The following FAT4 variants were observed in gnomAD, a reference collection of about 807,000 sequenced individuals.
FAT4 encodes the protein FAT atypical cadherin 4.
Under a neutral mutation model 303.9 loss-of-function variants are expected in FAT4, and 84 were observed. The observed-to-expected ratio is 0.28, with a 90% CI of 0.23 to 0.33. The LOEUF is 0.33. Ranked by LOEUF, FAT4 falls within the 10% of genes least tolerant of loss-of-function variation. The probability of loss-of-function intolerance (pLI) is 1.00; values close to 1 mark genes in which losing one functional copy is unlikely to be tolerated. For missense variants in FAT4, 6,005 were observed against 6,146.8 expected, an observed-to-expected ratio of 0.98 and a Z score of 0.77; for synonymous variants, 2,307 against 2,298.8, an observed-to-expected ratio of 1.00 and a Z score of -0.10.
chr4:125,475,359 TGGTTATCATGTTCTGA>T (rs920316628), intron 12 of FAT4, among the ~76,000 whole-genome samples: 7 of 152,130 alleles, frequency 4.6e-5, no homozygotes, highest in African/African-American at 1.7e-4. Flanking sequence ...CTGACTTGTA[TGGTTATCATGTTCTGA>T]GGCCTTTTAA....
intron 2 of FAT4, among the ~76,000 whole-genome samples, chr4:125,355,107 T>C (rs1436818289): frequency 6.6e-6 from 1 of 151,984 alleles, no homozygotes; most frequent in African/African-American, 2.4e-5. Context: ...CAAAAATTTA[T>C]ATTTTTAGCC....
chr4:125,317,590 C>G lies in FAT4; in HGVS notation c.1179C>G (p.Asn393Lys). ...TDADSPAANG[N>K]ISVQILGGNE... ...CAGATTCTCCCGCGGCCAACGGGAA[C>G]ATCTCCGTGCAAATTCTCGGGGGCA... The change falls in exon 2 of 18, where the codon AAC becomes AAG. Residue 393 changes from asparagine (N) to lysine (K), a missense_variant. Asn to Lys is a moderately conservative substitution (Grantham distance 94). Transcript: ENST00000394329. The surrounding 1 kb of genome is among the most constrained non-coding windows in gnomAD (Gnocchi z 7.0). 6.2e-7 allele frequency: 1 copy of G among 1,613,958 alleles called. No homozygotes were observed. Among genetic ancestry groups the G allele is most frequent in the Non-Finnish European group, 8.5e-7 (1 of 1,179,956 alleles).
In FAT4 at chr4:125,319,899, G is replaced by A. The variant is rs375552506; in HGVS notation, c.3488G>A (p.Arg1163Lys). The A allele has an allele frequency of 2.9e-5, 46 of 1,614,002 alleles. No homozygotes were observed. Among genetic ancestry groups the A allele is most frequent in the Non-Finnish European group, 3.6e-5 (42 of 1,180,042 alleles). Residue 1163 changes from arginine (R) to lysine (K), a missense_variant, in exon 2 of 18, where the codon AGG becomes AAG. Physicochemically the swap from Arg to Lys is conservative, Grantham distance 26 (BLOSUM62 2). Transcript: ENST00000394329. ...ATTACAAATACTCATCAGTTTGACA[G>A]GGAGTCTCTTATGAGGCGGAGAGGG... is the stretch of plus-strand genomic sequence containing the variant. ...GEITNTHQFD[R>K]ESLMRRRGTA...
chr4:125,377,184 C>T (rs778159637), intron 2 of FAT4, among the ~76,000 whole-genome samples: 4 of 152,020 alleles, frequency 2.6e-5, no homozygotes, highest in African/African-American at 4.8e-5. Flanking sequence ...AAATTACCAA[C>T]GACTATTTGT....
At chr4:125,409,842 TTTTTCCC>T (rs896621075) in intron 5 of FAT4, among the ~76,000 whole-genome samples, 31 of 152,292 alleles carry the variant, frequency 2.0e-4, no homozygotes, top group African/African-American at 6.5e-4. Context: ...TTAGTACGTG[TTTTTCCC>T]TTATGTTGGA....
intron 8 of FAT4, among the ~76,000 whole-genome samples, chr4:125,437,763 C>A: frequency 6.6e-6 from 1 of 152,060 alleles, no homozygotes; most frequent in East Asian, 1.9e-4. Context: ...AGAGTAGAAC[C>A]TTGGGAATTA....
intron 10 of FAT4, among the ~76,000 whole-genome samples, chr4:125,454,636 C>G (rs1019546417): frequency 2.6e-5 from 4 of 151,634 alleles, no homozygotes; most frequent in African/African-American, 9.8e-5. Context: ...GAGTTCAAGA[C>G]CAGCCTGTCC....
chr4:125,479,612 A>T, intron 14 of FAT4, 129 bp from the exon 15 acceptor site: 1 of 855,474 alleles, frequency 1.2e-6, no homozygotes, highest in Non-Finnish European at 1.6e-6. Context: ...CTCCAAATGT[A>T]GTTGTAACTT....
In FAT4 at chr4:125,319,969, C is replaced by T. The variant is rs1473631205; in HGVS notation, c.3558C>T (p.Ile1186=). 4 of 1,612,902 alleles carry T rather than the reference C, an allele frequency of 2.5e-6. No homozygotes were observed. Among genetic ancestry groups the T allele is most frequent in the African/African-American group, 2.7e-5 (2 of 74,890 alleles). ...CAGTCATAGCAACAGATCAGGGGAT[C>T]CCTCAGCCTCTCAAGGATCAGGCCA... ...SFTVIATDQG[I]PQPLKDQATV... The change falls in exon 2 of 18, where the codon ATC becomes ATT. Residue 1186 remains isoleucine (I), a synonymous_variant. Transcript: ENST00000394329.
intron 2 of FAT4, among the ~76,000 whole-genome samples, chr4:125,395,068 A>G (rs1232958376): frequency 6.6e-6 from 1 of 152,322 alleles, no homozygotes; most frequent in Admixed American, 6.5e-5. Flanking sequence ...CTTGGTAGAT[A>G]AAACCATGGC....
chr4:125,381,737 A>C (rs532809244), intron 2 of FAT4, among the ~76,000 whole-genome samples: 1 of 152,146 alleles, frequency 6.6e-6, no homozygotes, highest in Non-Finnish European at 1.5e-5. Flanking sequence ...TCTGACTGTC[A>C]TGAAAGATTT....
chr4:125,466,144 A>G (rs1726655342), intron 11 of FAT4, among the ~76,000 whole-genome samples: 1 of 152,226 alleles, frequency 6.6e-6, no homozygotes, highest in Admixed American at 6.5e-5. Flanking sequence ...TTTAAATTAC[A>G]TCTTAGGAAA....
chr4:125,366,002 GGGAGCGTGA>G (rs1368992921), intron 2 of FAT4, among the ~76,000 whole-genome samples: 2 of 152,050 alleles, frequency 1.3e-5, no homozygotes, highest in Admixed American at 1.3e-4. Flanking sequence ...GGATTCTCGT[GGGAGCGTGA>G]ACCCTATTGT....
At position 125,491,638 on chromosome 4, in the gene FAT4, G is replaced by A; in HGVS notation, c.14822G>A (p.Gly4941Asp). Reference protein sequence around the residue: ...NWDNLLNWGPGFGHYVDVFKD... With the variant: ...NWDNLLNWGPDFGHYVDVFKD... ...GACAACCTTTTGAACTGGGGCCCTG[G>A]CTTTGGCCATTATGTAGATGTTTTT... Residue 4941 changes from glycine (G) to aspartate (D), a missense_variant, in exon 18 of 18, where the codon GGC becomes GAC. Physicochemically the swap from Gly to Asp is moderately conservative, Grantham distance 94 (BLOSUM62 -1). Coordinates refer to ENST00000394329, the MANE Select transcript of FAT4 (RefSeq NM_001291303.3). 5 of 1,614,160 alleles carry A rather than the reference G, an allele frequency of 3.1e-6. No homozygotes were observed. Among genetic ancestry groups the A allele is most frequent in the Non-Finnish European group, 4.2e-6 (5 of 1,180,028 alleles).
chr4:125,451,522 T>C lies in FAT4; in HGVS notation c.10512T>C (p.Asp3504=), dbSNP rs2126060911. 1 of 1,614,136 alleles carries C rather than the reference T, an allele frequency of 6.2e-7. No individual in the cohort carries two copies. The highest frequency in any genetic ancestry group is 1.7e-5 in the Admixed American group (1 of 60,014). Residue 3504 remains aspartate (D), a synonymous_variant, in exon 10 of 18, where the codon GAT becomes GAC. Transcript: ENST00000394329. ...CCTCTTTATTAGTCACCCTGGAAGA[T>C]ATAAATGATAACGGGCCCATGCTGA... ...GSASLLVTLE[D]INDNGPMLTV...
intron 2 of FAT4, among the ~76,000 whole-genome samples, chr4:125,378,130 AT>A (rs2125996505): frequency 6.6e-6 from 1 of 152,220 alleles, no homozygotes; most frequent in East Asian, 1.9e-4. Flanking sequence ...CAGATGTCTT[AT>A]TGATTCTATG....
chr4:125,489,029 GT>G, intron 17 of FAT4, among the ~76,000 whole-genome samples: 1 of 152,280 alleles, frequency 6.6e-6, no homozygotes, highest in South Asian at 2.1e-4. Context: ...TGTCACTATG[GT>G]AGAATGATGC....
chr4:125,447,773 G>A (rs1466530905), intron 9 of FAT4, among the ~76,000 whole-genome samples: 6 of 152,052 alleles, frequency 3.9e-5, no homozygotes, highest in Non-Finnish European at 8.8e-5. Flanking sequence ...CTCAGTCTAA[G>A]CACTAACTTT....
At chr4:125,453,322 G>A (rs1057239073) in intron 10 of FAT4, among the ~76,000 whole-genome samples, 1 of 152,110 alleles carries the variant, frequency 6.6e-6, no homozygotes, top group Non-Finnish European at 1.5e-5. Flanking sequence ...CATCGTTTTT[G>A]TGACCTTTTA....
Sources: gnomAD v4.1 joint callset for allele counts (sites outside exome capture counted in the v4.1 genomes callset) on GRCh38, gnomAD v4.1.1 for gene constraint, Gnocchi (gnomAD v3.1) non-coding constraint, MANE v1.5 for transcripts, NCBI Gene and HGNC (gene_info 2026-07-23, HGNC 2026-07-21) for gene names.